Variants in UPRT observed in about 807,000 individuals in gnomAD.
The protein encoded by UPRT is uracil phosphoribosyltransferase homolog.
In UPRT, 5 loss-of-function variants were observed where a neutral mutation model predicts 22.6. The ratio of observed to expected loss-of-function variants is 0.22; its 90% CI spans 0.12 to 0.47. The LOEUF (loss-of-function observed/expected upper bound fraction) is 0.47. UPRT is among the 20% of genes least tolerant of loss of function. The probability of loss-of-function intolerance (pLI) is 0.99; values close to 1 mark genes in which losing one functional copy is unlikely to be tolerated. For missense variants in UPRT, 181 were observed against 239.9 expected, an observed-to-expected ratio of 0.75 and a Z score of 1.62; for synonymous variants, 77 against 87.7, an observed-to-expected ratio of 0.88 and a Z score of 0.68.
chrX:75,197,874 A>G (rs149913746), intron 4 of UPRT, among the ~76,000 whole-genome samples: 247 of 112,623 alleles, frequency 2.2e-3, no homozygotes, highest in African/African-American at 7.5e-3. Context: ...ACCTTCACAC[A>G]TTTCTGATTG....
In UPRT at chrX:75,279,796, C is replaced by T. The variant is rs185223477; in HGVS notation, c.386+5156C>T. On this transcript the variant is annotated intron_variant, in intron 1 of 6. Transcript: ENST00000373383. ...TTGTAGTCTTTTATCCCTTGACCCC[C>T]TCCCACCCTTTCCTCCCAAGTTGCT... is the stretch of plus-strand genomic sequence containing the variant. Among the ~76,000 whole-genome samples the T allele has an allele frequency of 2.7e-5, 3 of 110,567 alleles. No individual in the cohort carries two copies. In the Admixed American group the frequency reaches 2.9e-4, roughly 11 times the overall value.
chrX:75,246,540 T>C (rs2082507118), intron 4 of UPRT, among the ~76,000 whole-genome samples: 1 of 111,051 alleles, frequency 9.0e-6, no homozygotes, highest in Admixed American at 9.6e-5. Flanking sequence ...GTCTTTGCTA[T>C]TGTGAATAGT....
intron 4 of UPRT, among the ~76,000 whole-genome samples, chrX:75,246,900 T>G (rs1423551659): frequency 8.9e-6 from 1 of 112,095 alleles, no homozygotes; most frequent in Non-Finnish European, 1.9e-5. Flanking sequence ...ATAAATGTCT[T>G]ATTTATTTTT....
chrX:75,216,789 C>G (rs893819374), intron 4 of UPRT, among the ~76,000 whole-genome samples: 1 of 112,438 alleles, frequency 8.9e-6, no homozygotes, highest in Non-Finnish European at 1.9e-5. Context: ...GAGTCTCGCT[C>G]TGTCTCCCAG....
intron 4 of UPRT, among the ~76,000 whole-genome samples, chrX:75,214,957 A>G (rs1334463484): frequency 1.1e-5 from 1 of 90,660 alleles, no homozygotes; most frequent in Non-Finnish European, 2.0e-5. Flanking sequence ...AGTATTCTCA[A>G]CACACACACA....
rs143841351 is a variant in UPRT, at chrX:75,278,274, A to G, written c.386+3634A>G. On this transcript the variant is annotated intron_variant, in intron 1 of 6. Transcript: ENST00000373383. ...ATGTGAAACAGGCAAGATTGAGAAC[A>G]TTGTCTGTATTGATTTAAAATGTCT... Among the ~76,000 whole-genome samples, 897 of 111,932 alleles carry G rather than the reference A, an allele frequency of 8.0e-3. 11 individuals are homozygous for G. The highest frequency in any genetic ancestry group is 0.027 in the African/African-American group (826 of 30,865).
intron 4 of UPRT, among the ~76,000 whole-genome samples, chrX:75,183,859 T>C (rs1191377910): frequency 8.9e-6 from 1 of 112,351 alleles, no homozygotes; most frequent in African/African-American, 3.2e-5. Flanking sequence ...CGCCCACTTA[T>C]TGATGGGGTT....
chrX:75,246,812 G>A (rs1166692462), intron 4 of UPRT, among the ~76,000 whole-genome samples: 2 of 111,591 alleles, frequency 1.8e-5, no homozygotes, highest in Non-Finnish European at 3.8e-5. Flanking sequence ...GTGTGAGATG[G>A]TATCTCATTG....
At chrX:75,300,567 G>T (rs758374005) in intron 5 of UPRT, among the ~76,000 whole-genome samples, 1 of 111,374 alleles carries the variant, frequency 9.0e-6, no homozygotes. Flanking sequence ...TGGAAGGATC[G>T]CTTGAGCCCA....
intron 4 of UPRT, among the ~76,000 whole-genome samples, chrX:75,201,321 C>A (rs2082346724): frequency 8.9e-6 from 1 of 112,552 alleles, no homozygotes; most frequent in Admixed American, 9.4e-5. Flanking sequence ...TTTTATGGCA[C>A]CTGTTTCAAA....
intron 4 of UPRT, among the ~76,000 whole-genome samples, chrX:75,214,593 T>C (rs909175579): frequency 8.9e-6 from 1 of 112,412 alleles, no homozygotes. Context: ...ATAGAGCCTA[T>C]GGTTAATAAT....
chrX:75,169,849 C>T (rs564227395), intron 4 of UPRT, among the ~76,000 whole-genome samples: 7 of 111,134 alleles, frequency 6.3e-5, no homozygotes, highest in African/African-American at 2.3e-4. Flanking sequence ...TCTTGATGAC[C>T]TGTCTAGTGC....
chrX:75,201,781 C>T (rs1288840284), intron 4 of UPRT: 1 of 115,230 alleles, frequency 8.7e-6, no homozygotes, highest in African/African-American at 3.2e-5. Context: ...GCCAGGGCTG[C>T]TCTAGCTGAG....
At chrX:75,196,479 C>A (rs1335344439) in intron 4 of UPRT, among the ~76,000 whole-genome samples, 7 of 112,710 alleles carry the variant, frequency 6.2e-5, no homozygotes, top group Middle Eastern at 4.6e-3. Context: ...GATTAGATAT[C>A]TTGACAAACT....
At chrX:75,254,383 A>G (rs2082542190) in intron 4 of UPRT, among the ~76,000 whole-genome samples, 1 of 112,420 alleles carries the variant, frequency 8.9e-6, no homozygotes, top group South Asian at 3.6e-4. Flanking sequence ...AAATGCAAAA[A>G]TGATTTGGAA....
intron 1 of UPRT, among the ~76,000 whole-genome samples, chrX:75,292,316 C>CTG (rs2082711198): frequency 9.0e-6 from 1 of 111,387 alleles, no homozygotes; most frequent in Admixed American, 9.6e-5. Flanking sequence ...TAAAGGGGCT[C>CTG]TGTGTGTGTG....
intron 4 of UPRT, among the ~76,000 whole-genome samples, chrX:75,255,274 A>C (rs1022555068): frequency 3.1e-4 from 35 of 111,612 alleles, no homozygotes; most frequent in Non-Finnish European, 5.5e-4. Context: ...TATATGAAAA[A>C]AAGATACAGT....
chrX:75,209,852 G>A (rs951262578), intron 4 of UPRT, among the ~76,000 whole-genome samples: 3 of 112,380 alleles, frequency 2.7e-5, no homozygotes, highest in Non-Finnish European at 3.8e-5. Flanking sequence ...CCAGCATCTG[G>A]TATTTAGCCT....
chrX:75,178,076 G>A (rs771258361), intron 4 of UPRT, among the ~76,000 whole-genome samples: 198 of 112,138 alleles, frequency 1.8e-3, no homozygotes, highest in Non-Finnish European at 3.0e-3. Flanking sequence ...TCGGGACCCC[G>A]GAGCTGCATG....
Sources: allele counts gnomAD v4.1 joint callset (sites outside exome capture counted in the v4.1 genomes callset), GRCh38; gene constraint gnomAD v4.1.1; transcripts MANE v1.5; gene names NCBI Gene and HGNC (gene_info 2026-07-23, HGNC 2026-07-21).